The following COL22A1 variants were observed in gnomAD, a reference collection of about 807,000 sequenced individuals.
COL22A1 encodes the protein collagen type XXII alpha 1 chain, also known as collagen alpha-1(XXII) chain.
Under a neutral mutation model 248.9 loss-of-function variants are expected in COL22A1, and 221 were observed. The observed-to-expected ratio is 0.89, with a 90% CI of 0.80 to 0.99. COL22A1 has a LOEUF of 0.99. COL22A1 is among the 50% of genes least tolerant of loss of function. The pLI is 0.00. For missense variants in COL22A1, 2,240 were observed against 2,179.0 expected, an observed-to-expected ratio of 1.03 and a Z score of -0.56; for synonymous variants, 891 against 793.4, an observed-to-expected ratio of 1.12 and a Z score of -2.07.
chr8:138,681,868 G>C (rs7843796), intron 39 of COL22A1, among the ~76,000 whole-genome samples: 113,221 of 152,102 alleles, frequency 0.74, 42,363 homozygotes, highest in East Asian at 0.85. Context: ...AAAATATTTT[G>C]ACTGTGAACA....
At chr8:138,665,317 G>C (rs1195622158) in intron 41 of COL22A1, among the ~76,000 whole-genome samples, 1 of 152,220 alleles carries the variant, frequency 6.6e-6, no homozygotes, top group Non-Finnish European at 1.5e-5. Context: ...ACTCAGAACA[G>C]TAAGTAAAGG....
intron 23 of COL22A1, among the ~76,000 whole-genome samples, chr8:138,732,914 T>C (rs1830814180): frequency 6.6e-6 from 1 of 152,240 alleles, no homozygotes. Context: ...TTAGATGGAA[T>C]TTGAAGATGC....
At chr8:138,637,491 C>T (rs1461584616) in intron 47 of COL22A1, among the ~76,000 whole-genome samples, 1 of 152,158 alleles carries the variant, frequency 6.6e-6, no homozygotes, top group Non-Finnish European at 1.5e-5. Context: ...AACAATGATG[C>T]CTACCCTGTG....
At position 138,762,456 on chromosome 8, in the gene COL22A1, C is replaced by A; in HGVS notation, c.1814G>T (p.Gly605Val). 1 of 1,614,122 alleles carries A rather than the reference C, an allele frequency of 6.2e-7. No homozygotes were observed. The highest frequency in any genetic ancestry group is 8.5e-7 in the Non-Finnish European group (1 of 1,179,998). Residue 605 changes from glycine to valine, a missense_variant, in exon 17 of 65, where the codon GGC becomes GTC. Physicochemically the swap from Gly to Val is moderately radical, Grantham distance 109. Coordinates refer to ENST00000303045, the MANE Select transcript of COL22A1 (RefSeq NM_152888.3). ...KGTRGEKGER[G>V]LDGFPGKPGD... ...AGGCTTCCCAGGGAATCCATCCAGG[C>A]CTCGCTCTCCCTGGCAAAAGAAGGC... is the stretch of plus-strand genomic sequence containing the variant.
At position 138,716,824 on chromosome 8, in the gene COL22A1, CCTT is replaced by C. The variant is rs1244878542; in HGVS notation, c.2398_2400del (p.Lys800del). On this transcript the variant is annotated inframe_deletion and splice_region_variant, in exon 28 of 65. Coordinates refer to ENST00000303045, the MANE Select transcript of COL22A1 (RefSeq NM_152888.3). ...ATGAATAAAAGCACAAACAAACAGA[CCTT>C]CTCTCCAGGTCGGCCTGCCAGGCCC... is the stretch of plus-strand genomic sequence containing the variant. The C allele has an allele frequency of 1.9e-6, 3 of 1,606,656 alleles. No homozygotes were observed. In the African/African-American group the frequency reaches 4.0e-5, roughly 21 times the overall value.
chr8:138,878,720 G>A (rs1823944254), intron 2 of COL22A1, among the ~76,000 whole-genome samples: 2 of 152,190 alleles, frequency 1.3e-5, no homozygotes, highest in Admixed American at 1.3e-4. Context: ...ATGTTTAGAT[G>A]TTTTAGGCTG....
At chr8:138,658,585 T>C (rs949058616) in intron 44 of COL22A1, among the ~76,000 whole-genome samples, 1 of 152,218 alleles carries the variant, frequency 6.6e-6, no homozygotes. Flanking sequence ...ACAACTTCAC[T>C]GGGAGAGGAC....
chr8:138,859,542 T>C (rs1449266168), intron 3 of COL22A1, among the ~76,000 whole-genome samples: 1 of 152,188 alleles, frequency 6.6e-6, no homozygotes, highest in South Asian at 2.1e-4. Context: ...ACATCTGGCA[T>C]CTGGTGCGGC....
intron 16 of COL22A1, among the ~76,000 whole-genome samples, chr8:138,762,811 T>C (rs1047633702): frequency 6.6e-6 from 1 of 152,204 alleles, no homozygotes; most frequent in Non-Finnish European, 1.5e-5. Flanking sequence ...TGTAATGCAG[T>C]TCATAAAATT....
intron 46 of COL22A1, among the ~76,000 whole-genome samples, 157 bp from the exon 47 acceptor site, chr8:138,646,839 G>A (rs752716598): frequency 1.3e-5 from 2 of 152,198 alleles, no homozygotes; most frequent in African/African-American, 2.4e-5. Context: ...TGAGCAAAGG[G>A]TATAGGCAAG....
At position 138,676,611 on chromosome 8, in the gene COL22A1, G is replaced by T; in HGVS notation, c.3097C>A (p.Pro1033Thr). The T allele has an allele frequency of 6.4e-7, 1 of 1,567,494 alleles. No individual in the cohort carries two copies. ...TCACCACGGCTGCCAGGAGAACCAGGGATCCCAGGAGCTCCTCGATCCCCC... is the reference window on the plus strand; with the variant it reads ...TCACCACGGCTGCCAGGAGAACCAGTGATCCCAGGAGCTCCTCGATCCCCC... ...VKGDRGAPGI[P>T]GSPGSRGDPG... is the part of the protein sequence containing the mutation. The change falls in exon 41 of 65, where the codon CCT (proline) becomes ACT (threonine). Residue 1033 changes from proline (P) to threonine (T), a missense_variant. Pro to Thr is a conservative substitution (Grantham distance 38). Coordinates refer to ENST00000303045, the MANE Select transcript of COL22A1 (RefSeq NM_152888.3).
intron 50 of COL22A1, among the ~76,000 whole-genome samples, chr8:138,626,550 G>A (rs1009782613): frequency 6.6e-6 from 1 of 152,210 alleles, no homozygotes; most frequent in African/African-American, 2.4e-5. Context: ...TCGGGTTTTA[G>A]TATCCACAAG....
At chr8:138,604,700 G>C in intron 59 of COL22A1, 34 bp downstream of exon 59, 1 of 1,605,458 alleles carries the variant, frequency 6.2e-7, no homozygotes, top group Non-Finnish European at 8.5e-7. Flanking sequence ...GTGGTAAAGG[G>C]TTGCCAAGGG....
intron 25 of COL22A1, among the ~76,000 whole-genome samples, chr8:138,722,701 G>A (rs1433271223): frequency 1.3e-5 from 2 of 152,148 alleles, no homozygotes; most frequent in African/African-American, 4.8e-5. Flanking sequence ...AGGCTCTGCA[G>A]GCTGAGTGAC....
chr8:138,783,674 G>T (rs1815249193), intron 12 of COL22A1, among the ~76,000 whole-genome samples: 1 of 152,152 alleles, frequency 6.6e-6, no homozygotes, highest in Admixed American at 6.5e-5. Context: ...CAAGTTGAGG[G>T]TATTAACCAT....
At chr8:138,876,404 C>T (rs541126527) in intron 3 of COL22A1, among the ~76,000 whole-genome samples, 1 of 152,296 alleles carries the variant, frequency 6.6e-6, no homozygotes, top group African/African-American at 2.4e-5. Context: ...TATCACATTC[C>T]CTTTTATGTG....
intron 22 of COL22A1, among the ~76,000 whole-genome samples, chr8:138,746,798 C>T (rs770397539): frequency 5.3e-5 from 8 of 152,190 alleles, no homozygotes; most frequent in African/African-American, 1.7e-4. Context: ...ACCTGGCATC[C>T]GACCCGAACC....
At chr8:138,631,040 TCTTG>T (rs924964787) in intron 49 of COL22A1, among the ~76,000 whole-genome samples, 1 of 152,296 alleles carries the variant, frequency 6.6e-6, no homozygotes, top group Admixed American at 6.5e-5. Context: ...ACCTTTACTC[TCTTG>T]CTTCTGCTCT....
intron 55 of COL22A1, 104 bp downstream of exon 55, chr8:138,615,897 G>T: frequency 1.2e-6 from 1 of 806,238 alleles, no homozygotes; most frequent in Non-Finnish European, 2.1e-6. Context: ...TGTGCCTCTT[G>T]GCAGTGCTGC....
Sources: gnomAD v4.1 joint callset for allele counts (sites outside exome capture counted in the v4.1 genomes callset) on GRCh38, gnomAD v4.1.1 for gene constraint, MANE v1.5 for transcripts, NCBI Gene and HGNC (gene_info 2026-07-23, HGNC 2026-07-21) for gene names.